The following CSF3R variants were observed in gnomAD, a reference collection of about 807,000 sequenced individuals.
CSF3R encodes colony stimulating factor 3 receptor.
Under a neutral mutation model 84.4 loss-of-function variants are expected in CSF3R, and 52 were observed. That is an observed-to-expected ratio of 0.62 (90% confidence interval 0.49 to 0.78). The LOEUF (loss-of-function observed/expected upper bound fraction) is 0.78, where lower values mean the gene tolerates loss of function less well. Ranked by LOEUF, CSF3R falls within the 30% of genes least tolerant of loss-of-function variation. The probability of loss-of-function intolerance (pLI) is 0.00; values close to 1 mark genes in which losing one functional copy is unlikely to be tolerated. For synonymous variants in CSF3R, 384 were observed against 429.1 expected (o/e 0.89, Z 1.30); for missense variants, 890 against 1,055.7 (o/e 0.84, Z 2.17).
At chr1:36,473,961 C>G (rs1650955588) in intron 4 of CSF3R, 74 bp from the exon 5 acceptor site, 5 of 1,607,334 alleles carry the variant, frequency 3.1e-6, no homozygotes, top group Non-Finnish European at 3.4e-6. Flanking sequence ...ACCAGCTGGC[C>G]CTGTTGCCTT....
chr1:36,479,231 G>A (rs1391168779), intron 3 of CSF3R: 8 of 658,990 alleles, frequency 1.2e-5, no homozygotes, highest in African/African-American at 1.8e-5. Context: ...AGCCCGGGTC[G>A]TCTCACCATT....
chr1:36,468,269 A>G, intron 12 of CSF3R, 48 bp from the exon 13 acceptor site: 1 of 1,523,504 alleles, frequency 6.6e-7, no homozygotes. Flanking sequence ...GGGCAGAGCA[A>G]GAGCCCGGTT....
Position 36,471,602 on chromosome 1 carries a change from C to T in CSF3R, c.1116G>A (p.Val372=). ...EEDSGRIQGY[V]VSWRPSGQAG... is the part of the protein sequence containing the mutation. ...CCTGGCCTGAGGGTCTCCAAGAAAC[C>T]ACATAACCTTGGATCCGTCCGCTGT... Residue 372 remains valine (V), a synonymous_variant, in exon 10 of 17, where the codon GTG becomes GTA. Coordinates refer to ENST00000373106, the MANE Select transcript of CSF3R (RefSeq NM_000760.4). 1 of 1,614,222 alleles carries T rather than the reference C, an allele frequency of 6.2e-7. No individual in the cohort carries two copies. The highest frequency in any genetic ancestry group is 1.1e-5 in the South Asian group (1 of 91,084).
At position 36,472,374 on chromosome 1, in the gene CSF3R, C is replaced by G. The variant is rs965308558; in HGVS notation, c.861G>C (p.Leu287Phe). 1.4e-5 allele frequency: 23 copies of G among 1,614,078 alleles called. No individual in the cohort carries two copies. Among genetic ancestry groups the G allele is most frequent in the Non-Finnish European group, 1.9e-5 (22 of 1,180,016 alleles). The change falls in exon 8 of 17, where the codon TTG (leucine) becomes TTC (phenylalanine). Residue 287 changes from leucine to phenylalanine, a missense_variant. By Grantham distance (22) the Leu-to-Phe change is conservative. Coordinates refer to ENST00000373106, the MANE Select transcript of CSF3R (RefSeq NM_000760.4). The surrounding 1 kb of genome is among the most constrained non-coding windows in gnomAD (Gnocchi z 5.0). Reference protein sequence around the residue: ...ASWALVGPLPLEALQYELCGL... With the variant: ...ASWALVGPLPFEALQYELCGL... ...CGCAGAGCTCATACTGAAGGGCCTC[C>G]AAGGGGAGGGGGCCCACCTGGTGAG...
At chr1:36,469,455 G>C (rs757231024) in intron 11 of CSF3R, among the ~76,000 whole-genome samples, 197 bp downstream of exon 11, 13 of 152,146 alleles carry the variant, frequency 8.5e-5, no homozygotes, top group Non-Finnish European at 1.6e-4. Context: ...GCAGAGTCAG[G>C]GCTATAGAAA....
Position 36,471,400 on chromosome 1 carries a change from C to T in CSF3R, c.1285+33G>A, listed in dbSNP as rs1008373693. ...TAGCCTTTGAATTGATGCGCTTGACCTCTGTGCTCTTCTGGCTGCCAGCCC... is the reference window on the plus strand; with the variant it reads ...TAGCCTTTGAATTGATGCGCTTGACTTCTGTGCTCTTCTGGCTGCCAGCCC... On this transcript the variant is annotated intron_variant, in intron 10 of 16. Coordinates refer to ENST00000373106, the MANE Select transcript of CSF3R (RefSeq NM_000760.4). The T allele has an allele frequency of 1.1e-5, 18 of 1,596,098 alleles. No homozygotes were observed. The East Asian group carries it at 3.8e-4, about 34-fold the overall frequency.
At position 36,469,848 on chromosome 1, in the gene CSF3R, C is replaced by T. The variant is rs745559977; in HGVS notation, c.1286-8G>A. ...GTCTGGTCAGAGCTGGGCCTGGAGACAGGGTGGGAAATGGTGGAATGAAGG... is the reference window on the plus strand; with the variant it reads ...GTCTGGTCAGAGCTGGGCCTGGAGATAGGGTGGGAAATGGTGGAATGAAGG... On this transcript the variant is annotated splice_polypyrimidine_tract_variant and splice_region_variant and intron_variant, in intron 10 of 16. Transcript: ENST00000373106. 6.2e-7 allele frequency: 1 copy of T among 1,613,768 alleles called. No individual in the cohort carries two copies. The highest frequency in any genetic ancestry group is 1.1e-5 in the South Asian group (1 of 91,070).
Position 36,475,475 on chromosome 1 carries a change from GTGA to G in CSF3R, c.260_262del (p.Ile87del). On this transcript the variant is annotated inframe_deletion, in exon 4 of 17. Coordinates refer to ENST00000373106, the MANE Select transcript of CSF3R (RefSeq NM_000760.4). The stretch of plus-strand genomic sequence containing the variant: ...CTGAGTGTGGTTGAGGTGGGGCAGG[GTGA>G]TGATAGATTCCTGGGTCCCATCAGA... 1 of 1,614,202 alleles carries G rather than the reference GTGA, an allele frequency of 6.2e-7. No homozygotes were observed. Among genetic ancestry groups the G allele is most frequent in the Non-Finnish European group, 8.5e-7 (1 of 1,180,032 alleles).
chr1:36,468,010 C>A, intron 13 of CSF3R, 48 bp from the exon 14 acceptor site: 1 of 1,614,242 alleles, frequency 6.2e-7, no homozygotes, highest in Non-Finnish European at 8.5e-7. Context: ...AAAGCTGCCT[C>A]CGTGGCAGCT....
chr1:36,469,349 C>G, intron 11 of CSF3R, 92 bp from the exon 12 acceptor site: 1 of 1,000,286 alleles, frequency 1.0e-6, no homozygotes. Flanking sequence ...GAGGGCTAAC[C>G]TGGCCTCATG....
chr1:36,466,397 C>T lies in CSF3R; in HGVS notation c.2471G>A (p.Gly824Glu). Residue 824 changes from glycine (G) to glutamate (E), a missense_variant, in exon 17 of 17, where the codon GGG (glycine) becomes GAG (glutamate). By Grantham distance (98) the Gly-to-Glu change is moderately conservative (BLOSUM62 -2). Coordinates refer to ENST00000373106, the MANE Select transcript of CSF3R (RefSeq NM_000760.4). The surrounding 1 kb of genome is among the most constrained non-coding windows in gnomAD (Gnocchi z 4.6). ...GPLLNFPLLQ[G>E]IRVHGMEALG... Reference sequence around the variant, plus strand: ...CGCCTCCATCCCATGGACCCGGATCCCCTGCAGGAGGGGGAAGTTGAGCAG... The same window carrying T: ...CGCCTCCATCCCATGGACCCGGATCTCCTGCAGGAGGGGGAAGTTGAGCAG... 5 of 1,613,540 alleles carry T rather than the reference C, an allele frequency of 3.1e-6. No individual in the cohort carries two copies. The highest frequency in any genetic ancestry group is 4.2e-6 in the Non-Finnish European group (5 of 1,179,980).
Position 36,472,864 on chromosome 1 carries a change from C to T in CSF3R, c.674-178G>A. 1 of 764,048 alleles carries T rather than the reference C, an allele frequency of 1.3e-6. No homozygotes were observed. Among genetic ancestry groups the T allele is most frequent in the South Asian group, 2.0e-5 (1 of 49,606 alleles). 47.3% of individuals were successfully genotyped at this position (764,048 alleles called of 1,614,324 possible). A position where few individuals can be genotyped will look rare whatever the true frequency, so the allele number is the denominator to read the frequency against. Reference sequence around the variant, plus strand: ...TCTAGGTCTCTGTTTCCGCTCTTGCCCCAGGGCCTTTGCACTGGTTGTTAC... The same window carrying T: ...TCTAGGTCTCTGTTTCCGCTCTTGCTCCAGGGCCTTTGCACTGGTTGTTAC... On this transcript the variant is annotated intron_variant, in intron 6 of 16. Transcript: ENST00000373106. The surrounding 1 kb of genome is among the most constrained non-coding windows in gnomAD (Gnocchi z 5.0).
intron 3 of CSF3R, 153 bp downstream of exon 3, chr1:36,479,280 G>A: frequency 1.3e-6 from 1 of 786,464 alleles, no homozygotes; most frequent in Non-Finnish European, 2.2e-6. Flanking sequence ...GTCTGTGGGT[G>A]GGAGACCAGC....
At chr1:36,473,721 C>G (rs747074644) in intron 5 of CSF3R, 43 bp downstream of exon 5, 2 of 1,614,096 alleles carry the variant, frequency 1.2e-6, no homozygotes, top group South Asian at 2.2e-5. Context: ...TGCCCTACCC[C>G]AGAATCCAAA....
chr1:36,471,606 T>A lies in CSF3R; in HGVS notation c.1112A>T (p.Tyr371Phe). The change falls in exon 10 of 17, where the codon TAT (tyrosine) becomes TTT (phenylalanine). Residue 371 changes from tyrosine to phenylalanine, a missense_variant. Tyr to Phe is a conservative substitution (Grantham distance 22). Coordinates refer to ENST00000373106, the MANE Select transcript of CSF3R (RefSeq NM_000760.4). Reference sequence around the variant, plus strand: ...GCCTGAGGGTCTCCAAGAAACCACATAACCTTGGATCCGTCCGCTGTCTTC... The same window carrying A: ...GCCTGAGGGTCTCCAAGAAACCACAAAACCTTGGATCCGTCCGCTGTCTTC... Reference protein sequence around the residue: ...LEEDSGRIQGYVVSWRPSGQA... With the variant: ...LEEDSGRIQGFVVSWRPSGQA... 1.2e-6 allele frequency: 2 copies of A among 1,614,186 alleles called. No homozygotes were observed. Among genetic ancestry groups the A allele is most frequent in the Non-Finnish European group, 1.7e-6 (2 of 1,180,022 alleles).
At position 36,472,581 on chromosome 1, in the gene CSF3R, A is replaced by G. The variant is rs548460084; in HGVS notation, c.779T>C (p.Leu260Pro). 6.2e-7 allele frequency: 1 copy of G among 1,614,074 alleles called. No homozygotes were observed. Among genetic ancestry groups the G allele is most frequent in the East Asian group, 2.2e-5 (1 of 44,864 alleles). The part of the protein sequence containing the change: ...QLCWEPWQPG[L>P]HINQKCELRH... ...CAGCTCACACTTCTGATTTATGTGC[A>G]GGCCTGGCTGCCATGGCTCCCAGCA... is the stretch of plus-strand genomic sequence containing the variant. Residue 260 changes from leucine to proline, a missense_variant, in exon 7 of 17, where the codon CTG becomes CCG. By Grantham distance (98) the Leu-to-Pro change is moderately conservative. Transcript: ENST00000373106. The surrounding 1 kb of genome is among the most constrained non-coding windows in gnomAD (Gnocchi z 5.0).
At chr1:36,469,890 C>A in intron 10 of CSF3R, 50 bp from the exon 11 acceptor site, 1 of 1,592,508 alleles carries the variant, frequency 6.3e-7, no homozygotes, top group Non-Finnish European at 8.6e-7. Flanking sequence ...GAATGCAGGC[C>A]CTTGAGCCAG....
chr1:36,473,728 C>T (rs768643306), intron 5 of CSF3R, 36 bp downstream of exon 5: 1 of 1,613,978 alleles, frequency 6.2e-7, no homozygotes, highest in African/African-American at 1.3e-5. Flanking sequence ...CCCCAGAATC[C>T]AAAGGGAGGG....
At position 36,467,754 on chromosome 1, in the gene CSF3R, A is replaced by G. The variant is rs1206644575; in HGVS notation, c.1864+68T>C. 1 of 1,613,772 alleles carries G rather than the reference A, an allele frequency of 6.2e-7. No individual in the cohort carries two copies. Among genetic ancestry groups the G allele is most frequent in the African/African-American group, 1.3e-5 (1 of 74,916 alleles). On this transcript the variant is annotated intron_variant, in intron 14 of 16. Coordinates refer to ENST00000373106, the MANE Select transcript of CSF3R (RefSeq NM_000760.4). This position sits in a 1 kb window ranked among gnomAD's most constrained non-coding sequence, Gnocchi z 4.1. ...CAAAGTCAGTCCCCAGCTACTCTCA[A>G]AATCAGCATCCTTTGGGTGGGGTAC... is the stretch of plus-strand genomic sequence containing the variant.
Sources: allele counts gnomAD v4.1 joint callset (sites outside exome capture counted in the v4.1 genomes callset), GRCh38; gene constraint gnomAD v4.1.1; non-coding constraint Gnocchi (gnomAD v3.1); transcripts MANE v1.5; gene names NCBI Gene and HGNC (gene_info 2026-07-23, HGNC 2026-07-21).